Variants in HS6ST2 observed in about 807,000 individuals in gnomAD.
HS6ST2 encodes heparan sulfate 6-O-sulfotransferase 2, also known as heparan-sulfate 6-O-sulfotransferase 2.
In HS6ST2, 17 loss-of-function variants were observed where a neutral mutation model predicts 33.0. That is an observed-to-expected ratio of 0.52 (90% CI 0.35 to 0.77). The LOEUF is 0.77. Among genes scored for constraint, HS6ST2 ranks in the 30% least tolerant of loss-of-function variants. The pLI, the probability that HS6ST2 is intolerant of heterozygous loss-of-function variation, is 0.01. For missense variants in HS6ST2, 519 were observed against 551.7 expected (o/e 0.94, Z 0.59); for synonymous variants, 248 against 237.1 (o/e 1.05, Z -0.42).
Position 132,628,591 on chromosome X carries a change from C to T in HS6ST2, c.1570G>A (p.Asp524Asn), listed in dbSNP as rs1257885800. 8.3e-7 allele frequency: 1 copy of T among 1,209,536 alleles called. No individual in the cohort carries two copies. Among genetic ancestry groups the T allele is most frequent in the Non-Finnish European group, 1.1e-6 (1 of 895,072 alleles). The part of the protein sequence containing the change: ...QKRIEGLNFL[D>N]MELYSYAKDL... ...TTGGCATAGCTGTACAACTCCATAT[C>T]CAGAAAATTCAGTCCCTCAATACGC... Residue 524 changes from aspartate to asparagine, a missense_variant, in exon 5 of 5, where the codon GAT (aspartate) becomes AAT (asparagine). Asp to Asn is a conservative substitution (Grantham distance 23). Coordinates refer to ENST00000370833, the MANE Select transcript of HS6ST2 (RefSeq NM_001394073.1).
intron 2 of HS6ST2, among the ~76,000 whole-genome samples, chrX:132,919,396 G>C (rs1286042958): frequency 2.7e-5 from 3 of 111,982 alleles, no homozygotes; most frequent in African/African-American, 9.7e-5. Context: ...TCTCTAAGAA[G>C]ACAGAAAACA....
At chrX:132,938,538 G>A (rs952066980) in intron 2 of HS6ST2, among the ~76,000 whole-genome samples, 41 of 110,792 alleles carry the variant, frequency 3.7e-4, no homozygotes, top group Admixed American at 6.8e-4. Context: ...CTACTTGGAA[G>A]GCTGAGGTGG....
intron 3 of HS6ST2, among the ~76,000 whole-genome samples, chrX:132,679,584 C>A: frequency 9.0e-6 from 1 of 111,212 alleles, no homozygotes; most frequent in South Asian, 3.9e-4. Context: ...AAGTTTCAGG[C>A]ACCATTGTCA....
At chrX:132,757,269 C>G (rs1271125120) in intron 2 of HS6ST2, among the ~76,000 whole-genome samples, 1 of 111,587 alleles carries the variant, frequency 9.0e-6, no homozygotes, top group East Asian at 2.8e-4. Flanking sequence ...AAAGGAACTT[C>G]CCAAAGTAGA....
Position 132,645,956 on chromosome X carries a change from C to A in HS6ST2, c.1068-16863G>T, listed in dbSNP as rs142179883. Among the ~76,000 whole-genome samples the A allele has an allele frequency of 2.1e-4, 23 of 112,129 alleles. 1 individual carries two copies. In the East Asian group the frequency reaches 5.6e-3, roughly 27 times the overall value. ...TGACTGAGAAATAGACAGTTCCAGT[C>A]CATTTCATAGACACTGATATTAGTG... On this transcript the variant is annotated intron_variant, in intron 4 of 4. Coordinates refer to ENST00000370833, the MANE Select transcript of HS6ST2 (RefSeq NM_001394073.1).
intron 2 of HS6ST2, among the ~76,000 whole-genome samples, chrX:132,839,839 G>A (rs769506625): frequency 3.6e-5 from 4 of 111,128 alleles, no homozygotes; most frequent in Admixed American, 1.9e-4. Flanking sequence ...ACCTCTGGCC[G>A]GGCACGGTGG....
chrX:132,671,262 GC>G (rs1275330365), intron 3 of HS6ST2, among the ~76,000 whole-genome samples: 1 of 111,327 alleles, frequency 9.0e-6, no homozygotes, highest in African/African-American at 3.3e-5. Context: ...CTGGTCACTG[GC>G]CACTGAGCCT....
intron 2 of HS6ST2, among the ~76,000 whole-genome samples, chrX:132,821,866 C>G (rs1420346965): frequency 9.0e-6 from 1 of 110,724 alleles, no homozygotes; most frequent in Admixed American, 9.6e-5. Flanking sequence ...TGGCATGCGC[C>G]TGTAATCCCA....
chrX:132,800,940 T>C (rs749098058), intron 2 of HS6ST2, among the ~76,000 whole-genome samples: 1 of 111,910 alleles, frequency 8.9e-6, no homozygotes, highest in East Asian at 2.8e-4. Flanking sequence ...CCTGCTGCCA[T>C]GTAAGACGTT....
rs1433968472 is a variant in HS6ST2 at position 132,937,122 on chromosome X, AAAAAT to A, written c.947+19681_947+19685del. The stretch of plus-strand genomic sequence containing the variant: ...GTAATTCCATTTATAGCAGCTACAA[AAAAAT>A]AAAATAACAAGGAATAAATTTAATC... On this transcript the variant is annotated intron_variant, in intron 2 of 4. Transcript: ENST00000370833. Among the ~76,000 whole-genome samples, 8 of 111,834 alleles carry A rather than the reference AAAAAT, an allele frequency of 7.2e-5. No homozygotes were observed. In the South Asian group the frequency reaches 2.6e-3, roughly 37 times the overall value.
chrX:132,957,378 G>T (rs1057005476), intron 1 of HS6ST2, 52 bp from the exon 2 acceptor site: 4 of 1,107,336 alleles, frequency 3.6e-6, no homozygotes, highest in African/African-American at 3.7e-5. Context: ...GCCCGCGCTC[G>T]TCGTGCCCCC....
chrX:132,756,124 G>A (rs5977746), intron 2 of HS6ST2, among the ~76,000 whole-genome samples: 33,965 of 111,082 alleles, frequency 0.31, 4,054 homozygotes, highest in Middle Eastern at 0.36. Context: ...TCTAACACAG[G>A]TCTGTGGATA....
chrX:132,904,515 A>G (rs867655978), intron 2 of HS6ST2, among the ~76,000 whole-genome samples: 1 of 68,110 alleles, frequency 1.5e-5, no homozygotes, highest in African/African-American at 5.8e-5. Flanking sequence ...TTCCTTTTTT[A>G]TTTTCTTTTT....
intron 4 of HS6ST2, among the ~76,000 whole-genome samples, chrX:132,667,437 T>C (rs1257093958): frequency 2.7e-5 from 3 of 111,893 alleles, no homozygotes; most frequent in Non-Finnish European, 5.6e-5. Flanking sequence ...GAGATATAGA[T>C]CATTTTTTAT....
At chrX:132,667,153 C>T (rs1412943801) in intron 4 of HS6ST2, among the ~76,000 whole-genome samples, 2 of 111,288 alleles carry the variant, frequency 1.8e-5, no homozygotes, top group Non-Finnish European at 3.8e-5. Flanking sequence ...AAAATGTACA[C>T]TAATGGAAAA....
At chrX:132,879,545 C>T (rs1238807573) in intron 2 of HS6ST2, among the ~76,000 whole-genome samples, 6 of 111,913 alleles carry the variant, frequency 5.4e-5, no homozygotes, top group Non-Finnish European at 1.1e-4. Context: ...TACTATTCAA[C>T]CACAAAGAGG....
chrX:132,843,359 T>C (rs1159634581), intron 2 of HS6ST2, among the ~76,000 whole-genome samples: 1 of 112,142 alleles, frequency 8.9e-6, no homozygotes, highest in African/African-American at 3.2e-5. Context: ...TCTGAAAGCA[T>C]CAAGATGTCC....
intron 2 of HS6ST2, among the ~76,000 whole-genome samples, chrX:132,894,366 C>T (rs748634840): frequency 8.2e-5 from 9 of 109,234 alleles, no homozygotes; most frequent in Non-Finnish European, 1.5e-4. Flanking sequence ...GTCACAAACT[C>T]CTGACGTCAG....
At chrX:132,841,184 A>T (rs2065703717) in intron 2 of HS6ST2, among the ~76,000 whole-genome samples, 2 of 112,034 alleles carry the variant, frequency 1.8e-5, no homozygotes, top group Non-Finnish European at 3.8e-5. Context: ...CCAACTTTAG[A>T]AGAGCTCCAA....
Sources: allele counts gnomAD v4.1 joint callset (sites outside exome capture counted in the v4.1 genomes callset), GRCh38; gene constraint gnomAD v4.1.1; transcripts MANE v1.5; gene names NCBI Gene and HGNC (gene_info 2026-07-23, HGNC 2026-07-21).